Variants in CCDC33 observed in about 807,000 individuals in gnomAD.
CCDC33 encodes the protein coiled-coil domain-containing protein 33.
CCDC33 carries 94 observed loss-of-function variants against 91.9 expected under a neutral mutation model. The observed-to-expected ratio is 1.02, with a 90% confidence interval of 0.87 to 1.21. The LOEUF is 1.21. Ranked by LOEUF, CCDC33 falls within the 50% of genes most tolerant of loss-of-function variation. The pLI, the probability that CCDC33 is intolerant of heterozygous loss-of-function variation, is 0.00. For synonymous variants in CCDC33, 396 were observed against 374.5 expected, an observed-to-expected ratio of 1.06 and a Z score of -0.66; for missense variants, 940 against 935.5, an observed-to-expected ratio of 1.00 and a Z score of -0.06.
At chr15:74,245,534 T>C (rs1395658826) in intron 2 of CCDC33, among the ~76,000 whole-genome samples, 1 of 152,086 alleles carries the variant, frequency 6.6e-6, no homozygotes, top group Admixed American at 6.5e-5. Flanking sequence ...TCTCGGGAGA[T>C]TGAGGCCCTG....
In CCDC33 at chr15:74,217,573, T is replaced by C. The variant is rs1021046478; in HGVS notation, c.302T>C (p.Leu101Ser). 3.0e-5 allele frequency: 37 copies of C among 1,238,232 alleles called. No homozygotes were observed. In the African/African-American group the frequency reaches 5.4e-4, roughly 18 times the overall value. 76.7% of individuals were successfully genotyped at this position (1,238,232 alleles called of 1,614,324 possible). Residue 101 changes from leucine to serine, a missense_variant, in exon 1 of 3, where the codon TTG (leucine) becomes TCG (serine). Leu to Ser is a moderately radical substitution (Grantham distance 145). Coordinates refer to the CCDC33 transcript ENST00000635913. ...ACCAGGAGCAAGTTTATCTTTACTTTGCCCAAAGGTATGAAGTAGGGGTGG... is the reference window on the plus strand; with the variant it reads ...ACCAGGAGCAAGTTTATCTTTACTTCGCCCAAAGGTATGAAGTAGGGGTGG...
chr15:74,271,917 C>T (rs1417621467), intron 6 of CCDC33, 123 bp downstream of exon 6: 3 of 720,016 alleles, frequency 4.2e-6, no homozygotes, highest in Non-Finnish European at 7.1e-6. Flanking sequence ...ACCCCTAAGG[C>T]CCTTCAAGCC....
At chr15:74,289,786 CTATT>C (rs68007129) in intron 10 of CCDC33, among the ~76,000 whole-genome samples, 78,720 of 151,596 alleles carry the variant, frequency 0.52, 25,307 homozygotes, top group Non-Finnish European at 0.72. Context: ...GAACCTTTGT[CTATT>C]TATTTTTTTA....
At chr15:74,317,232 G>A (rs1327769124) in intron 11 of CCDC33, among the ~76,000 whole-genome samples, 3 of 152,110 alleles carry the variant, frequency 2.0e-5, no homozygotes, top group Non-Finnish European at 4.4e-5. Context: ...ATGGTGGCAG[G>A]CACCTGTAGT....
At chr15:74,271,925 G>A in intron 6 of CCDC33, 131 bp downstream of exon 6, 1 of 695,130 alleles carries the variant, frequency 1.4e-6, no homozygotes, top group Non-Finnish European at 2.5e-6. Flanking sequence ...GGCCCTTCAA[G>A]CCTCTCCATT....
intron 11 of CCDC33, among the ~76,000 whole-genome samples, chr15:74,306,022 G>A (rs2059887471): frequency 6.6e-6 from 1 of 152,170 alleles, no homozygotes; most frequent in South Asian, 2.1e-4. Flanking sequence ...TTGGCACTTT[G>A]CAGGAGGCTT....
chr15:74,244,662 G>A lies in CCDC33; in HGVS notation c.185+514G>A, dbSNP rs2075461575. The stretch of plus-strand genomic sequence containing the variant: ...TAATGCACCCCACACACCCCCTCCA[G>A]CCAGCTGCTGTCAGGGTACACACTT... On this transcript the variant is annotated intron_variant, in intron 2 of 18. Transcript: ENST00000398814. The surrounding 1 kb of genome is among the most constrained non-coding windows in gnomAD (Gnocchi z 4.2). Among the ~76,000 whole-genome samples the A allele has an allele frequency of 6.6e-6, 1 of 151,658 alleles. No homozygotes were observed. The highest frequency in any genetic ancestry group is 6.6e-5 in the Admixed American group (1 of 15,252).
At position 74,280,755 on chromosome 15, in the gene CCDC33, C is replaced by A. The variant is rs773059474; in HGVS notation, c.977C>A (p.Thr326Lys). ...LKSRLYQKMLTGKGLDGLHVE... is the reference protein window; with the variant it reads ...LKSRLYQKMLKGKGLDGLHVE... ...AGCCGTTTGTACCAGAAGATGCTGA[C>A]AGGGAAAGGCTTGGACGGGCTTCAC... The change falls in exon 9 of 19, where the codon ACA becomes AAA. Residue 326 changes from threonine to lysine, a missense_variant. Coordinates refer to ENST00000398814, the MANE Select transcript of CCDC33 (RefSeq NM_025055.5). 6.3e-7 allele frequency: 1 copy of A among 1,577,218 alleles called. No individual in the cohort carries two copies. The highest frequency in any genetic ancestry group is 1.2e-5 in the South Asian group (1 of 85,964).
chr15:74,221,948 A>AG (rs1487601219), intron 2 of CCDC33, among the ~76,000 whole-genome samples: 1 of 152,052 alleles, frequency 6.6e-6, no homozygotes, highest in Non-Finnish European at 1.5e-5. Context: ...CCCCGGGGTA[A>AG]GGGGGAGTTC....
Position 74,280,032 on chromosome 15 carries a change from G to A in CCDC33, c.829G>A (p.Gly277Arg), listed in dbSNP as rs199609536. Residue 277 changes from glycine (G) to arginine (R), a missense_variant, in exon 8 of 19, where the codon GGA becomes AGA. Gly to Arg is a moderately radical substitution (Grantham distance 125, BLOSUM62 -2). Transcript: ENST00000398814. ...NQSFLFQGRDGATSFSEDTAL... is the reference protein window; with the variant it reads ...NQSFLFQGRDRATSFSEDTAL... Reference sequence around the variant, plus strand: ...GTCCTTCCTCTTCCAAGGCCGAGATGGAGCTACCAGCTTCTCAGAAGACAC... The same window carrying A: ...GTCCTTCCTCTTCCAAGGCCGAGATAGAGCTACCAGCTTCTCAGAAGACAC... The A allele has an allele frequency of 2.5e-6, 4 of 1,614,166 alleles. No homozygotes were observed. Among genetic ancestry groups the A allele is most frequent in the African/African-American group, 2.7e-5 (2 of 75,038 alleles).
chr15:74,314,579 C>T (rs554490756), intron 11 of CCDC33, among the ~76,000 whole-genome samples: 30 of 152,318 alleles, frequency 2.0e-4, no homozygotes, highest in Admixed American at 1.6e-3. Context: ...CCCACCCTCC[C>T]CCTGCCAGCC....
intron 7 of CCDC33, among the ~76,000 whole-genome samples, chr15:74,277,839 T>C (rs2076489042): frequency 6.6e-6 from 1 of 152,144 alleles, no homozygotes; most frequent in African/African-American, 2.4e-5. Context: ...TTTAGACACA[T>C]GAATAGGTCC....
At chr15:74,211,116 T>C (rs2074361162) in intron 2 of CCDC33, among the ~76,000 whole-genome samples, 1 of 138,914 alleles carries the variant, frequency 7.2e-6, no homozygotes, top group South Asian at 2.4e-4. Flanking sequence ...AGGGGAAGTT[T>C]TGCCAGAGAT....
chr15:74,298,346 C>G (rs920061857), intron 11 of CCDC33, among the ~76,000 whole-genome samples: 1 of 151,740 alleles, frequency 6.6e-6, no homozygotes, highest in African/African-American at 2.4e-5. Context: ...GAAGAAATGG[C>G]CTTTAAATAT....
At chr15:74,329,967 G>A (rs1238953652) in intron 11 of CCDC33, among the ~76,000 whole-genome samples, 4 of 152,168 alleles carry the variant, frequency 2.6e-5, no homozygotes, top group African/African-American at 4.8e-5. Context: ...ATGTGGCCCC[G>A]GGGAGAGAAC....
At chr15:74,335,126 G>A (rs759494926) in intron 18 of CCDC33, 38 bp downstream of exon 18, 9 of 1,519,552 alleles carry the variant, frequency 5.9e-6, no homozygotes, top group Admixed American at 1.7e-5. Context: ...AGGGGTTCAG[G>A]TGGTGGAGCA....
chr15:74,311,245 C>A (rs567526656), intron 11 of CCDC33, among the ~76,000 whole-genome samples: 1 of 152,256 alleles, frequency 6.6e-6, no homozygotes, highest in Admixed American at 6.5e-5. Flanking sequence ...AGGGCTCCTT[C>A]CCCCAGGGAG....
At chr15:74,259,929 C>T (rs116986232) in intron 2 of CCDC33, among the ~76,000 whole-genome samples, 2 of 152,366 alleles carry the variant, frequency 1.3e-5, no homozygotes, top group East Asian at 3.9e-4. Flanking sequence ...CTGGGGTTGA[C>T]ATCTGGGTGC....
intron 2 of CCDC33, among the ~76,000 whole-genome samples, chr15:74,225,542 C>G (rs1351518631): frequency 1.3e-5 from 2 of 151,944 alleles, no homozygotes; most frequent in African/African-American, 2.4e-5. Flanking sequence ...CCCTCCACCT[C>G]CATCTCAATG....
Sources: allele counts gnomAD v4.1 joint callset (sites outside exome capture counted in the v4.1 genomes callset), GRCh38; gene constraint gnomAD v4.1.1; non-coding constraint Gnocchi (gnomAD v3.1); transcripts MANE v1.5; gene names NCBI Gene and HGNC (gene_info 2026-07-23, HGNC 2026-07-21).